Variants in LRBA observed in about 807,000 individuals in gnomAD.
The protein encoded by LRBA is lipopolysaccharide-responsive and beige-like anchor protein.
LRBA carries 176 observed loss-of-function variants against 330.0 expected under a neutral mutation model. The observed-to-expected ratio is 0.53, with a 90% CI of 0.47 to 0.60. LRBA has a LOEUF of 0.60. Ranked by LOEUF, LRBA falls within the 20% of genes least tolerant of loss-of-function variation. The pLI is 0.00. For synonymous variants in LRBA, 1,230 were observed against 1,193.0 expected, an observed-to-expected ratio of 1.03 and a Z score of -0.64; for missense variants, 3,259 against 3,444.8, an observed-to-expected ratio of 0.95 and a Z score of 1.35.
At chr4:150,944,717 C>T (rs1191977094) in intron 2 of LRBA, among the ~76,000 whole-genome samples, 5 of 152,148 alleles carry the variant, frequency 3.3e-5, no homozygotes, top group Non-Finnish European at 7.4e-5. Flanking sequence ...GAGTGGCTAA[C>T]AGTTTGTACT....
intron 2 of LRBA, among the ~76,000 whole-genome samples, chr4:150,991,634 T>G (rs1019251540): frequency 6.6e-6 from 1 of 152,114 alleles, no homozygotes; most frequent in African/African-American, 2.4e-5. Flanking sequence ...AGAAATTAGA[T>G]CAGTGGTTGC....
At position 150,648,189 on chromosome 4, in the gene LRBA, C is replaced by G. The variant is rs529367468; in HGVS notation, c.5921+35362G>C. 3.4e-4 allele frequency among the ~76,000 whole-genome samples: 9 copies of G among 26,542 alleles called. No individual in the cohort carries two copies. The South Asian group carries it at 4.1e-3, about 12-fold the overall frequency. 17.4% of individuals were successfully genotyped at this position (26,542 alleles called of 152,430 possible). A position where few individuals can be genotyped will look rare whatever the true frequency, so the allele number is the denominator to read the frequency against. On this transcript the variant is annotated intron_variant, in intron 37 of 56. Transcript: ENST00000651943. ...AAAAAAAAAAAAAACTAGAAAAGAG[C>G]GAGATGTGCCAGAAACCAGTGGAAC...
At chr4:150,553,608 G>C (rs1766907298) in intron 40 of LRBA, among the ~76,000 whole-genome samples, 1 of 152,106 alleles carries the variant, frequency 6.6e-6, no homozygotes, top group African/African-American at 2.4e-5. Context: ...CCAAAAAATT[G>C]TCAAGTCAGA....
At chr4:150,970,123 G>C (rs1056314517) in intron 2 of LRBA, among the ~76,000 whole-genome samples, 4 of 152,112 alleles carry the variant, frequency 2.6e-5, no homozygotes, top group Admixed American at 6.5e-5. Flanking sequence ...TCAGATGATC[G>C]TTAGCATTTT....
chr4:150,978,262 A>C (rs1203783583), intron 2 of LRBA, among the ~76,000 whole-genome samples: 3 of 152,256 alleles, frequency 2.0e-5, no homozygotes, highest in African/African-American at 7.2e-5. Flanking sequence ...CCTGGTAACC[A>C]ACAGAATTCT....
At chr4:150,301,052 G>A (rs1172866778) in intron 53 of LRBA, among the ~76,000 whole-genome samples, 2 of 151,924 alleles carry the variant, frequency 1.3e-5, no homozygotes, top group East Asian at 3.9e-4. Context: ...ATAGCAAAAT[G>A]GTAGATTTAT....
chr4:151,013,825 C>T (rs1745129718), intron 2 of LRBA: 1 of 152,342 alleles, frequency 6.6e-6, no homozygotes, highest in Admixed American at 6.6e-5. Flanking sequence ...GTATCTGCTT[C>T]AATTCCTTTT....
At chr4:150,759,726 G>GA (rs1734814845) in intron 35 of LRBA, among the ~76,000 whole-genome samples, 1 of 150,446 alleles carries the variant, frequency 6.6e-6, no homozygotes, top group Admixed American at 6.6e-5. Flanking sequence ...TACAATCCAC[G>GA]AAAAAAAGAA....
At chr4:150,575,383 C>T (rs918148560) in intron 40 of LRBA, among the ~76,000 whole-genome samples, 1 of 151,824 alleles carries the variant, frequency 6.6e-6, no homozygotes, top group Non-Finnish European at 1.5e-5. Flanking sequence ...TTTAACATTT[C>T]CATTAAAAAT....
chr4:150,464,607 T>C (rs970230446), intron 44 of LRBA, among the ~76,000 whole-genome samples: 32 of 152,022 alleles, frequency 2.1e-4, no homozygotes, highest in African/African-American at 6.0e-4. Context: ...AATGGGTCAA[T>C]TGGGAAATTC....
intron 40 of LRBA, among the ~76,000 whole-genome samples, chr4:150,571,877 T>C (rs1468486082): frequency 3.3e-5 from 5 of 151,828 alleles, no homozygotes; most frequent in Non-Finnish European, 7.4e-5. Flanking sequence ...AAAGTTTTTT[T>C]TTTTAATGTA....
intron 41 of LRBA, among the ~76,000 whole-genome samples, chr4:150,488,373 T>C (rs976358085): frequency 1.3e-5 from 2 of 151,646 alleles, no homozygotes; most frequent in Non-Finnish European, 3.0e-5. Context: ...ATGTTTATCT[T>C]TCATATGTTC....
At chr4:150,552,925 C>T (rs1766793641) in intron 40 of LRBA, among the ~76,000 whole-genome samples, 1 of 151,654 alleles carries the variant, frequency 6.6e-6, no homozygotes, top group African/African-American at 2.4e-5. Flanking sequence ...AAAAAATAGC[C>T]TGGCATGGTG....
At chr4:150,334,852 CAG>C (rs1269601705) in intron 48 of LRBA, among the ~76,000 whole-genome samples, 1 of 111,000 alleles carries the variant, frequency 9.0e-6, no homozygotes, top group Non-Finnish European at 1.8e-5. Context: ...TTTTTTTTGA[CAG>C]AGTTTCGCTC....
intron 40 of LRBA, among the ~76,000 whole-genome samples, chr4:150,564,648 G>A (rs1348844170): frequency 6.6e-6 from 1 of 152,038 alleles, no homozygotes; most frequent in Non-Finnish European, 1.5e-5. Flanking sequence ...CTAACAAAGG[G>A]CTAATATCCA....
chr4:150,813,151 C>T (rs1302991659), intron 31 of LRBA, among the ~76,000 whole-genome samples: 1 of 123,122 alleles, frequency 8.1e-6, no homozygotes, highest in Non-Finnish European at 1.7e-5. Context: ...AAGACAGACC[C>T]TGTCTCAATT....
At chr4:150,639,933 T>C (rs1327575534) in intron 37 of LRBA, among the ~76,000 whole-genome samples, 3 of 142,096 alleles carry the variant, frequency 2.1e-5, no homozygotes, top group Non-Finnish European at 4.5e-5. Flanking sequence ...CTCTGCTCAC[T>C]GCAACCTCCC....
chr4:150,398,392 A>T (rs1317879001), intron 47 of LRBA, among the ~76,000 whole-genome samples: 1 of 152,196 alleles, frequency 6.6e-6, no homozygotes, highest in Non-Finnish European at 1.5e-5. Flanking sequence ...GCTGGACAAA[A>T]AGTGGTCCTT....
intron 2 of LRBA, among the ~76,000 whole-genome samples, chr4:150,974,122 C>G (rs1198039166): frequency 6.6e-6 from 1 of 152,100 alleles, no homozygotes; most frequent in Non-Finnish European, 1.5e-5. Context: ...ATACATAAAA[C>G]AATTCTTTGG....
Sources: allele counts gnomAD v4.1 joint callset (sites outside exome capture counted in the v4.1 genomes callset), GRCh38; gene constraint gnomAD v4.1.1; transcripts MANE v1.5; gene names NCBI Gene and HGNC (gene_info 2026-07-23, HGNC 2026-07-21).